ZNF536: variants seen among roughly 807,000 people sequenced by gnomAD.
ZNF536 encodes zinc finger protein 536.
A neutral mutation model predicts 84.5 loss-of-function variants in ZNF536; 13 were observed. The ratio of observed to expected loss-of-function variants is 0.15; its 90% CI spans 0.10 to 0.24. The LOEUF (loss-of-function observed/expected upper bound fraction) is 0.24, where lower values mean the gene tolerates loss of function less well. Ranked by LOEUF, ZNF536 falls within the 10% of genes least tolerant of loss-of-function variation. The pLI, the probability that ZNF536 is intolerant of heterozygous loss-of-function variation, is 1.00. For synonymous variants in ZNF536, 811 were observed against 742.5 expected (o/e 1.09, Z -1.50); for missense variants, 1,536 against 1,747.5 (o/e 0.88, Z 2.16).
rs532398155 is a variant in ZNF536 at position 30,507,017 on chromosome 19, T to TG, written c.2171-27829dup. Among the ~76,000 whole-genome samples, 274 of 152,364 alleles carry TG rather than the reference T, an allele frequency of 1.8e-3. 2 individuals carry two copies. Among genetic ancestry groups the TG allele is most frequent in the African/African-American group, 6.3e-3 (264 of 41,578 alleles). ...GATCGTAGTATACAAATTGGTCTTG[T>TG]GATCTGCTTTTGCCACTTAATACCC... On this transcript the variant is annotated intron_variant, in intron 2 of 4. Transcript: ENST00000355537.
chr19:30,396,262 G>C (rs2049812960), intron 1 of ZNF536, among the ~76,000 whole-genome samples: 1 of 152,160 alleles, frequency 6.6e-6, no homozygotes, highest in South Asian at 2.1e-4. Flanking sequence ...GCCTGTAGAT[G>C]GGAATTTGGA....
At chr19:30,642,354 C>T (rs1191808515) in intron 1 of ZNF536, among the ~76,000 whole-genome samples, 1 of 152,084 alleles carries the variant, frequency 6.6e-6, no homozygotes, top group African/African-American at 2.4e-5. Context: ...GGTCTTGTTG[C>T]AGGAAAGTTC....
chr19:30,344,096 G>A (rs2047651820), intron 2 of ZNF536, among the ~76,000 whole-genome samples: 1 of 151,588 alleles, frequency 6.6e-6, no homozygotes. Flanking sequence ...GGGTTTCAGG[G>A]GCACCCCTGT....
chr19:30,459,781 C>T (rs985655750), intron 2 of ZNF536, among the ~76,000 whole-genome samples: 2 of 152,164 alleles, frequency 1.3e-5, no homozygotes, highest in Non-Finnish European at 2.9e-5. Flanking sequence ...AGGCTCTCTT[C>T]GCTGGAGGTT....
intron 2 of ZNF536, among the ~76,000 whole-genome samples, chr19:30,473,520 T>C (rs544108107): frequency 6.6e-6 from 1 of 152,320 alleles, no homozygotes; most frequent in East Asian, 1.9e-4. Flanking sequence ...CCTTGCTGCC[T>C]ATCTGTAAGT....
intron 1 of ZNF536, among the ~76,000 whole-genome samples, chr19:30,659,985 G>C (rs1267064345): frequency 6.6e-6 from 1 of 150,952 alleles, no homozygotes; most frequent in South Asian, 2.1e-4. Context: ...GTGTGTGTTT[G>C]TATGTGTTTA....
intron 2 of ZNF536, among the ~76,000 whole-genome samples, chr19:30,286,235 CG>C (rs2045621131): frequency 6.6e-6 from 1 of 152,108 alleles, no homozygotes; most frequent in Non-Finnish European, 1.5e-5. Context: ...TATTGTAGTG[CG>C]GGCGAGATGT....
In ZNF536 at chr19:30,444,140, G is replaced by T; in HGVS notation, c.578G>T (p.Arg193Leu). Residue 193 changes from arginine (R) to leucine (L), a missense_variant, in exon 2 of 5, where the codon CGC becomes CTC. Physicochemically the swap from Arg to Leu is moderately radical, Grantham distance 102 (BLOSUM62 -2). Around this residue, in one of 8 missense-constraint regions of ZNF536, gnomAD observed 138 missense variants for 136.8 expected, o/e 1.01. Transcript: ENST00000355537. ...GNLGKGRGRVREENRLLHELE... is the reference protein window; with the variant it reads ...GNLGKGRGRVLEENRLLHELE... ...CTGGGCAAGGGGCGTGGGCGTGTGCGCGAGGAGAACCGCCTGCTGCACGAG... is the reference window on the plus strand; with the variant it reads ...CTGGGCAAGGGGCGTGGGCGTGTGCTCGAGGAGAACCGCCTGCTGCACGAG... 6.2e-7 allele frequency: 1 copy of T among 1,604,016 alleles called. No homozygotes were observed.
chr19:30,421,105 A>G (rs549113153), intron 1 of ZNF536, among the ~76,000 whole-genome samples: 88 of 152,276 alleles, frequency 5.8e-4, no homozygotes, highest in African/African-American at 1.9e-3. Context: ...CAGGCTCCTA[A>G]CCAAGACAGG....
intron 2 of ZNF536, among the ~76,000 whole-genome samples, chr19:30,491,382 T>C (rs1187850007): frequency 2.6e-5 from 4 of 152,158 alleles, no homozygotes; most frequent in Non-Finnish European, 5.9e-5. Context: ...TGCGTGAGCC[T>C]CTGCAGCCAA....
At chr19:30,456,312 T>C (rs975199253) in intron 2 of ZNF536, among the ~76,000 whole-genome samples, 2 of 147,218 alleles carry the variant, frequency 1.4e-5, no homozygotes, top group Admixed American at 6.7e-5. Flanking sequence ...TCTTTTCTTT[T>C]TTTTTTTTTT....
chr19:30,270,012 A>G (rs1439098046), intron 1 of ZNF536, among the ~76,000 whole-genome samples: 2 of 152,220 alleles, frequency 1.3e-5, no homozygotes, highest in Non-Finnish European at 2.9e-5. Flanking sequence ...ACTGGAGAGA[A>G]AAATGATTTG....
chr19:30,588,560 G>T (rs2047174082), intron 1 of ZNF536, among the ~76,000 whole-genome samples: 1 of 152,106 alleles, frequency 6.6e-6, no homozygotes, highest in Admixed American at 6.6e-5. Flanking sequence ...ATGCATTCCT[G>T]TTTCCATTTT....
intron 1 of ZNF536, among the ~76,000 whole-genome samples, chr19:30,594,958 G>T (rs2047406826): frequency 6.6e-6 from 1 of 152,060 alleles, no homozygotes; most frequent in South Asian, 2.1e-4. Flanking sequence ...GCTCAGTGCT[G>T]CCCTGGCAGC....
At chr19:30,271,299 C>CTTTTTTTTTTTTTTTTTTT (rs781528411) in intron 1 of ZNF536, among the ~76,000 whole-genome samples, 2 of 111,828 alleles carry the variant, frequency 1.8e-5, no homozygotes, top group Non-Finnish European at 3.4e-5. Flanking sequence ...TTTTTCTTTT[C>CTTTTTTTTTTTTTTTTTTT]TTTTTTTTTT....
At chr19:30,389,919 G>A (rs2049509238) in intron 1 of ZNF536, among the ~76,000 whole-genome samples, 1 of 152,208 alleles carries the variant, frequency 6.6e-6, no homozygotes, top group Admixed American at 6.5e-5. Flanking sequence ...AGCAGAATTA[G>A]AGAGGAAAGA....
At position 30,462,805 on chromosome 19, in the gene ZNF536, T is replaced by C. The variant is rs565435394; in HGVS notation, c.2170+17073T>C. Among the ~76,000 whole-genome samples, 1,484 of 149,110 alleles carry C rather than the reference T, an allele frequency of 1.0e-2. 31 individuals carry two copies. The highest frequency in any genetic ancestry group is 0.034 in the African/African-American group (1,384 of 40,796). On this transcript the variant is annotated intron_variant, in intron 2 of 4. Transcript: ENST00000355537. ...GTGTGTTGGGATGCATGTATCCATA[T>C]GCATTTGCCTGTGTTGGAATGGAAT...
intron 2 of ZNF536, among the ~76,000 whole-genome samples, chr19:30,347,372 TAGAA>T (rs1369985377): frequency 6.6e-6 from 1 of 152,220 alleles, no homozygotes; most frequent in Non-Finnish European, 1.5e-5. Flanking sequence ...GCCTGGCAGC[TAGAA>T]CATTTGATAG....
chr19:30,289,460 G>A (rs180954759), intron 2 of ZNF536, among the ~76,000 whole-genome samples: 241 of 152,308 alleles, frequency 1.6e-3, no homozygotes, highest in Non-Finnish European at 2.9e-3. Flanking sequence ...ATACCTCCAC[G>A]TATGAGCCAT....
Sources: gnomAD v4.1 joint callset for allele counts (sites outside exome capture counted in the v4.1 genomes callset) on GRCh38, gnomAD v4.1.1 for gene constraint, gnomAD v4.1.1 regional missense constraint, MANE v1.5 for transcripts, NCBI Gene and HGNC (gene_info 2026-07-23, HGNC 2026-07-21) for gene names.